Variants in SDHC observed in about 807,000 individuals in gnomAD.
SDHC encodes succinate dehydrogenase cytochrome b560 subunit, mitochondrial.
Under a neutral mutation model 22.6 loss-of-function variants are expected in SDHC, and 11 were observed. The ratio of observed to expected loss-of-function variants is 0.49; its 90% CI spans 0.31 to 0.81. SDHC has a LOEUF of 0.81. Among genes scored for constraint, SDHC ranks in the 30% least tolerant of loss-of-function variants. SDHC has a pLI of 0.05. For synonymous variants in SDHC, 80 were observed against 77.8 expected (o/e 1.03, Z -0.15); for missense variants, 160 against 212.0 (o/e 0.75, Z 1.52).
Position 161,328,336 on chromosome 1 carries a change from T to G in SDHC, c.78-60T>G, listed in dbSNP as rs115544044. 721 of 1,323,506 alleles carry G rather than the reference T, an allele frequency of 5.4e-4. 6 individuals carry two copies. In the African/African-American group the frequency reaches 9.3e-3, roughly 17 times the overall value. 82.0% of individuals were successfully genotyped at this position (1,323,506 alleles called of 1,614,324 possible). ...AAAATATTGACTTAATAAAACGTTATGCAAAATATTAAACCAAGTTTACTT... is the reference window on the plus strand; with the variant it reads ...AAAATATTGACTTAATAAAACGTTAGGCAAAATATTAAACCAAGTTTACTT... On this transcript the variant is annotated intron_variant, in intron 2 of 5. Transcript: ENST00000367975.
intron 4 of SDHC, among the ~76,000 whole-genome samples, chr1:161,345,803 G>A (rs762297986): frequency 1.1e-4 from 16 of 149,546 alleles, no homozygotes; most frequent in Non-Finnish European, 1.8e-4. Flanking sequence ...GGGTTTTTTT[G>A]TTTTGTTTTT....
At chr1:161,319,315 A>G (rs955729208) in intron 1 of SDHC, among the ~76,000 whole-genome samples, 1 of 152,200 alleles carries the variant, frequency 6.6e-6, no homozygotes, top group Non-Finnish European at 1.5e-5. Context: ...TAGCAGGGAG[A>G]TAAATAGATT....
At chr1:161,316,051 A>G (rs781549986) in intron 1 of SDHC, among the ~76,000 whole-genome samples, 1 of 152,202 alleles carries the variant, frequency 6.6e-6, no homozygotes. Flanking sequence ...TGCTGCCCAC[A>G]TGTCCCATCT....
chr1:161,333,920 C>G (rs888969907), intron 3 of SDHC, among the ~76,000 whole-genome samples: 1 of 152,208 alleles, frequency 6.6e-6, no homozygotes, highest in Non-Finnish European at 1.5e-5. Flanking sequence ...TTCAAAGGCA[C>G]TTCCACATTT....
At chr1:161,347,490 C>T (rs956289400) in intron 4 of SDHC, among the ~76,000 whole-genome samples, 2 of 151,590 alleles carry the variant, frequency 1.3e-5, no homozygotes, top group African/African-American at 4.8e-5. Context: ...CTCCTGACCT[C>T]GTGATCCACC....
At chr1:161,358,125 C>G (rs890046182) in intron 5 of SDHC, among the ~76,000 whole-genome samples, 3 of 150,598 alleles carry the variant, frequency 2.0e-5, no homozygotes, top group Non-Finnish European at 4.4e-5. Flanking sequence ...CAACCTCCAC[C>G]TCCCAGGTTC....
intron 1 of SDHC, among the ~76,000 whole-genome samples, chr1:161,317,010 T>G (rs1670640435): frequency 6.9e-6 from 1 of 145,358 alleles, no homozygotes; most frequent in Non-Finnish European, 1.5e-5. Flanking sequence ...CTCTTTTTTT[T>G]TGGTTCTTTT....
chr1:161,332,957 CAGAA>C (rs1671335944), intron 3 of SDHC, among the ~76,000 whole-genome samples: 2 of 152,274 alleles, frequency 1.3e-5, no homozygotes, highest in South Asian at 4.1e-4. Context: ...TTCATCACTC[CAGAA>C]AGAAACACTA....
rs1450151434 is a variant in SDHC, at chr1:161,362,652, C to T, written c.*219C>T. The T allele has an allele frequency of 2.0e-6, 3 of 1,510,660 alleles. No homozygotes were observed. The highest frequency in any genetic ancestry group is 4.8e-5 in the East Asian group (2 of 41,334). 93.6% of individuals were successfully genotyped at this position (1,510,660 alleles called of 1,614,324 possible). ...TCTAAAGATGAGGTGGCTGCAAAAACTCCCCTTTTTTGCCCACAGCTTGCC... is the reference window on the plus strand; with the variant it reads ...TCTAAAGATGAGGTGGCTGCAAAAATTCCCCTTTTTTGCCCACAGCTTGCC... On this transcript the variant is annotated 3_prime_UTR_variant, in exon 6 of 6. Coordinates refer to ENST00000367975, the MANE Select transcript of SDHC (RefSeq NM_003001.5).
At chr1:161,340,214 G>A (rs919095686) in intron 3 of SDHC, among the ~76,000 whole-genome samples, 2 of 152,002 alleles carry the variant, frequency 1.3e-5, no homozygotes, top group East Asian at 1.9e-4. Flanking sequence ...TCATGAACCC[G>A]GGAGGCAGAG....
At chr1:161,342,742 G>A (rs1431892887) in intron 4 of SDHC, among the ~76,000 whole-genome samples, 2 of 151,994 alleles carry the variant, frequency 1.3e-5, no homozygotes, top group Non-Finnish European at 2.9e-5. Flanking sequence ...TAATCTGCCC[G>A]CCTCGGCCTC....
intron 1 of SDHC, among the ~76,000 whole-genome samples, chr1:161,322,137 T>G (rs538220831): frequency 9.2e-5 from 14 of 152,334 alleles, no homozygotes; most frequent in African/African-American, 3.4e-4. Context: ...ATCCAAAATA[T>G]TCCAGTGAGC....
At chr1:161,340,690 T>G (rs1671690206) in intron 4 of SDHC, 35 bp downstream of exon 4, 1 of 1,588,180 alleles carries the variant, frequency 6.3e-7, no homozygotes, top group East Asian at 2.2e-5. Flanking sequence ...ACATATGTGC[T>G]TCTTTGAAAA....
At chr1:161,335,645 TC>T (rs1671452069) in intron 3 of SDHC, among the ~76,000 whole-genome samples, 6 of 152,180 alleles carry the variant, frequency 3.9e-5, no homozygotes, top group Admixed American at 3.9e-4. Flanking sequence ...CAATAGGAGT[TC>T]TTCAAAATGA....
At position 161,328,429 on chromosome 1, in the gene SDHC, G is replaced by A; in HGVS notation, c.111G>A (p.Glu37=). ...AVPLGTTAKE[E]MERFWNKNIG... is the part of the protein sequence containing the mutation. ...CTTTGGGAACCACGGCCAAAGAAGA[G>A]ATGGAGCGGTTCTGGAATAAGAATA... The change falls in exon 3 of 6, where the codon GAG becomes GAA. Residue 37 remains glutamate, a synonymous_variant. Coordinates refer to ENST00000367975, the MANE Select transcript of SDHC (RefSeq NM_003001.5). 1 of 1,613,904 alleles carries A rather than the reference G, an allele frequency of 6.2e-7. No homozygotes were observed. The highest frequency in any genetic ancestry group is 8.5e-7 in the Non-Finnish European group (1 of 1,179,820).
In SDHC at chr1:161,341,981, G is replaced by A. The variant is rs185632273; in HGVS notation, c.241+1326G>A. 1.8e-3 allele frequency among the ~76,000 whole-genome samples: 274 copies of A among 151,928 alleles called. 1 individual carries two copies. Among genetic ancestry groups the A allele is most frequent in the African/African-American group, 6.5e-3 (270 of 41,474 alleles). ...ATACCACTCTCTTTTTTGTTAATGT[G>A]TTTTATATATTTCTGTCCCAAATTT... On this transcript the variant is annotated intron_variant, in intron 4 of 5. Transcript: ENST00000367975.
At chr1:161,314,838 T>G in intron 1 of SDHC, 1 of 202,382 alleles carries the variant, frequency 4.9e-6, no homozygotes, top group Non-Finnish European at 1.0e-5. Context: ...TATTTTGCCT[T>G]TGCTTCGAAT....
intron 5 of SDHC, among the ~76,000 whole-genome samples, chr1:161,359,019 C>A (rs1383253028): frequency 2.6e-5 from 4 of 151,344 alleles, no homozygotes; most frequent in Non-Finnish European, 4.4e-5. Context: ...GCAGGAGAAT[C>A]CAGGAGGCAG....
chr1:161,361,127 C>A (rs2102381487), intron 5 of SDHC, among the ~76,000 whole-genome samples: 1 of 152,158 alleles, frequency 6.6e-6, no homozygotes, highest in Admixed American at 6.5e-5. Flanking sequence ...TTTAGGGAAG[C>A]AGAGGCAGGA....
Sources: gnomAD v4.1 joint callset for allele counts (sites outside exome capture counted in the v4.1 genomes callset) on GRCh38, gnomAD v4.1.1 for gene constraint, MANE v1.5 for transcripts, NCBI Gene and HGNC (gene_info 2026-07-23, HGNC 2026-07-21) for gene names.